The following TSPAN5 variants were observed in gnomAD, a reference collection of about 807,000 sequenced individuals.
The protein encoded by TSPAN5 is tetraspanin 5.
In TSPAN5, 10 loss-of-function variants were observed where a neutral mutation model predicts 37.1. The observed-to-expected ratio is 0.27, with a 90% CI of 0.17 to 0.46. The LOEUF is 0.46. Ranked by LOEUF, TSPAN5 falls within the 20% of genes least tolerant of loss-of-function variation. The probability of loss-of-function intolerance (pLI) is 1.00; values close to 1 mark genes in which losing one functional copy is unlikely to be tolerated. For missense variants in TSPAN5, 195 were observed against 326.6 expected (o/e 0.60, Z 3.11); for synonymous variants, 110 against 118.9 (o/e 0.93, Z 0.48).
chr4:98,609,324 T>G (rs1459655998), intron 1 of TSPAN5, among the ~76,000 whole-genome samples: 4 of 152,160 alleles, frequency 2.6e-5, no homozygotes, highest in African/African-American at 9.7e-5. Context: ...TACTCTATTG[T>G]GCAGCCAGAG....
chr4:98,603,977 T>C (rs923535486), intron 1 of TSPAN5, among the ~76,000 whole-genome samples: 1 of 152,202 alleles, frequency 6.6e-6, no homozygotes, highest in African/African-American at 2.4e-5. Flanking sequence ...TTTCTGGAAT[T>C]ACTTTGGTCA....
chr4:98,478,239 A>T (rs1052674002), intron 5 of TSPAN5, among the ~76,000 whole-genome samples: 18 of 152,196 alleles, frequency 1.2e-4, no homozygotes, highest in Admixed American at 1.1e-3. Flanking sequence ...TACTAACCCC[A>T]AACCAATGCA....
intron 1 of TSPAN5, among the ~76,000 whole-genome samples, chr4:98,571,615 G>C (rs1405388621): frequency 6.6e-6 from 1 of 152,158 alleles, no homozygotes; most frequent in Admixed American, 6.5e-5. Context: ...ACATCAGAAA[G>C]GGGGCACTTG....
chr4:98,544,569 A>G (rs1048361389), intron 1 of TSPAN5, among the ~76,000 whole-genome samples: 1 of 152,208 alleles, frequency 6.6e-6, no homozygotes, highest in African/African-American at 2.4e-5. Context: ...CAAAATGAAA[A>G]GGATAGACTG....
Position 98,472,312 on chromosome 4 carries a change from G to C in TSPAN5, c.*210C>G, listed in dbSNP as rs1421769805. ...CATGGCTACAGTAGAGATTCACGGC[G>C]CAACGACTTTCATACTGGTTATTTT... On this transcript the variant is annotated 3_prime_UTR_variant, in exon 8 of 8. Transcript: ENST00000305798. The C allele has an allele frequency of 2.3e-6, 1 of 444,316 alleles. No homozygotes were observed. The highest frequency in any genetic ancestry group is 2.0e-5 in the African/African-American group (1 of 49,034). The allele number at this position is 444,316 out of a possible 1,614,324, so 27.5% of individuals were successfully genotyped here.
intron 1 of TSPAN5, among the ~76,000 whole-genome samples, chr4:98,527,164 C>CA (rs1753980145): frequency 6.6e-6 from 1 of 152,152 alleles, no homozygotes; most frequent in Non-Finnish European, 1.5e-5. Flanking sequence ...AAGTGAGAAT[C>CA]AGACAGGTTA....
At chr4:98,544,183 A>G (rs991149838) in intron 1 of TSPAN5, among the ~76,000 whole-genome samples, 3 of 151,134 alleles carry the variant, frequency 2.0e-5, no homozygotes, top group Admixed American at 2.0e-4. Context: ...CTGTCTCTGA[A>G]TGAATGAATG....
intron 1 of TSPAN5, among the ~76,000 whole-genome samples, chr4:98,592,484 G>A (rs914079167): frequency 8.0e-6 from 1 of 124,994 alleles, no homozygotes; most frequent in African/African-American, 3.1e-5. Flanking sequence ...TGTGCACATT[G>A]TGCAGGTTAG....
intron 1 of TSPAN5, among the ~76,000 whole-genome samples, chr4:98,627,003 C>T (rs1197596397): frequency 1.3e-5 from 2 of 149,236 alleles, no homozygotes; most frequent in Non-Finnish European, 3.0e-5. Context: ...CATCAATGCT[C>T]CAAAAAAGGG....
intron 1 of TSPAN5, among the ~76,000 whole-genome samples, chr4:98,510,245 C>T (rs1440437775): frequency 6.6e-6 from 1 of 152,126 alleles, no homozygotes; most frequent in Admixed American, 6.5e-5. Context: ...AGCAGAGGAG[C>T]AGAGACTTGA....
At chr4:98,612,006 C>T (rs546637713) in intron 1 of TSPAN5, among the ~76,000 whole-genome samples, 5 of 152,256 alleles carry the variant, frequency 3.3e-5, no homozygotes, top group Non-Finnish European at 7.4e-5. Context: ...ATTTACAATG[C>T]ACATGGCATT....
intron 1 of TSPAN5, among the ~76,000 whole-genome samples, chr4:98,593,836 C>G: frequency 2.1e-5 from 1 of 47,154 alleles, no homozygotes; most frequent in East Asian, 4.4e-4. Context: ...GTTTTGGTTA[C>G]TGTAGCCTTG....
chr4:98,529,667 C>T (rs757918829), intron 1 of TSPAN5, among the ~76,000 whole-genome samples: 137 of 152,298 alleles, frequency 9.0e-4, no homozygotes, highest in Non-Finnish European at 1.3e-3. Context: ...TCCAGAATCC[C>T]GACCACTCCA....
intron 1 of TSPAN5, among the ~76,000 whole-genome samples, chr4:98,590,503 G>A (rs572733209): frequency 2.6e-5 from 4 of 152,114 alleles, no homozygotes; most frequent in African/African-American, 9.7e-5. Flanking sequence ...GAGGTCAGGA[G>A]ATCGAGACCA....
At chr4:98,572,163 C>T (rs942956755) in intron 1 of TSPAN5, among the ~76,000 whole-genome samples, 4 of 151,844 alleles carry the variant, frequency 2.6e-5, no homozygotes, top group Admixed American at 2.6e-4. Flanking sequence ...GGGGTTTCGC[C>T]GTTAACAATT....
At position 98,486,779 on chromosome 4, in the gene TSPAN5, A is replaced by G; in HGVS notation, c.238T>C (p.Cys80Arg). Residue 80 changes from cysteine (C) to arginine (R), a missense_variant, in exon 3 of 8, where the codon TGC becomes CGC. Transcript: ENST00000305798. ...GVMFILGFAG[C>R]IGALRENTFL... ...GTGTTTTCCCGTAGCGCTCCAATGC[A>G]CCCTGCAAATCCCAAAATGAACATC... 6.2e-7 allele frequency: 1 copy of G among 1,614,056 alleles called. No individual in the cohort carries two copies.
chr4:98,629,932 ATT>A, intron 1 of TSPAN5, among the ~76,000 whole-genome samples: 1 of 152,322 alleles, frequency 6.6e-6, no homozygotes, highest in South Asian at 2.1e-4. Context: ...CTCTGCTTAT[ATT>A]TGTGTCATTG....
intron 7 of TSPAN5, among the ~76,000 whole-genome samples, chr4:98,473,452 ATTT>A (rs35624650): frequency 2.2e-5 from 3 of 134,244 alleles, no homozygotes; most frequent in East Asian, 2.1e-4. Context: ...CTTATTAGCC[ATTT>A]TTTTTTTTTT....
chr4:98,651,126 A>C (rs1007214256), intron 1 of TSPAN5, among the ~76,000 whole-genome samples: 2 of 152,232 alleles, frequency 1.3e-5, no homozygotes, highest in African/African-American at 4.8e-5. Context: ...TCAAGTGACC[A>C]TCATCAGTAA....
Sources: gnomAD v4.1 joint callset for allele counts (sites outside exome capture counted in the v4.1 genomes callset) on GRCh38, gnomAD v4.1.1 for gene constraint, MANE v1.5 for transcripts, NCBI Gene and HGNC (gene_info 2026-07-23, HGNC 2026-07-21) for gene names.